The following NALF1 variants were observed in gnomAD, a reference collection of about 807,000 sequenced individuals.
NALF1 encodes NALCN channel auxiliary factor 1, also known as family with sequence similarity 155 member A.
A neutral mutation model predicts 48.4 loss-of-function variants in NALF1; 3 were observed. The ratio of observed to expected loss-of-function variants is 0.06; its 90% CI spans 0.03 to 0.16. NALF1 has a LOEUF of 0.16. NALF1 is among the 10% of genes least tolerant of loss of function. The pLI is 1.00. For missense variants in NALF1, 526 were observed against 571.5 expected (o/e 0.92, Z 0.81); for synonymous variants, 262 against 245.7 (o/e 1.07, Z -0.62).
At chr13:107,211,011 T>C (rs553243963) in intron 1 of NALF1, among the ~76,000 whole-genome samples, 2 of 152,364 alleles carry the variant, frequency 1.3e-5, no homozygotes, top group East Asian at 3.9e-4. Context: ...TAATTTTATG[T>C]GGCTTATTTG....
At chr13:107,641,538 T>A (rs532296990) in intron 1 of NALF1, among the ~76,000 whole-genome samples, 1 of 152,234 alleles carries the variant, frequency 6.6e-6, no homozygotes, top group South Asian at 2.1e-4. Context: ...TTTAAAAAAA[T>A]AAACATGAGT....
intron 1 of NALF1, among the ~76,000 whole-genome samples, chr13:107,514,207 T>C (rs142205505): frequency 4.4e-4 from 67 of 152,362 alleles, no homozygotes; most frequent in African/African-American, 1.4e-3. Context: ...ATGTACGTGT[T>C]AATAACCTTT....
chr13:107,292,867 CAGT>C lies in NALF1; in HGVS notation c.916-82115_916-82113del, dbSNP rs569695148. 9.8e-5 allele frequency among the ~76,000 whole-genome samples: 15 copies of C among 152,304 alleles called. No individual in the cohort carries two copies. The East Asian group carries it at 2.9e-3, about 29-fold the overall frequency. Reference sequence around the variant, plus strand: ...CTAGACTTTTATATGACAGACAGTGCAGTAGGTTTGTTTACCCCAGCATCACCA... The same window carrying C: ...CTAGACTTTTATATGACAGACAGTGCAGGTTTGTTTACCCCAGCATCACCA... On this transcript the variant is annotated intron_variant, in intron 1 of 2. Coordinates refer to ENST00000375915, the MANE Select transcript of NALF1 (RefSeq NM_001080396.3).
chr13:107,610,953 T>C (rs970502377), intron 1 of NALF1, among the ~76,000 whole-genome samples: 20 of 152,094 alleles, frequency 1.3e-4, no homozygotes, highest in Non-Finnish European at 4.4e-5. Flanking sequence ...ACCGTATGTT[T>C]TGAAAATGAT....
At chr13:107,330,180 G>A (rs1882442334) in intron 1 of NALF1, among the ~76,000 whole-genome samples, 2 of 152,274 alleles carry the variant, frequency 1.3e-5, no homozygotes, top group Admixed American at 1.3e-4. Context: ...AGTCTGACTG[G>A]AACACTTGTG....
At chr13:107,393,502 T>A (rs550254614) in intron 1 of NALF1, among the ~76,000 whole-genome samples, 2 of 152,290 alleles carry the variant, frequency 1.3e-5, no homozygotes, top group Non-Finnish European at 2.9e-5. Context: ...TGAAGCAAAA[T>A]GTCTAGCCTC....
At chr13:107,174,845 C>T (rs895515651) in intron 2 of NALF1, among the ~76,000 whole-genome samples, 4 of 151,808 alleles carry the variant, frequency 2.6e-5, no homozygotes, top group Non-Finnish European at 5.9e-5. Flanking sequence ...CCGCCCTGAA[C>T]TCCTCCTACT....
At chr13:107,478,265 G>T (rs113564844) in intron 1 of NALF1, among the ~76,000 whole-genome samples, 2,646 of 152,138 alleles carry the variant, frequency 0.017, 36 homozygotes, top group Non-Finnish European at 0.03. Context: ...CAGAGTATTT[G>T]CAAAACTCAA....
intron 1 of NALF1, among the ~76,000 whole-genome samples, chr13:107,815,542 A>C (rs1879137844): frequency 6.6e-6 from 1 of 152,182 alleles, no homozygotes; most frequent in Non-Finnish European, 1.5e-5. Context: ...AGAGATGGGG[A>C]CCCTTGCACA....
At chr13:107,475,781 T>C (rs535320816) in intron 1 of NALF1, among the ~76,000 whole-genome samples, 1 of 152,300 alleles carries the variant, frequency 6.6e-6, no homozygotes, top group South Asian at 2.1e-4. Flanking sequence ...TCAATAAAGA[T>C]TATTTCCTCA....
At chr13:107,619,091 T>C (rs1274440929) in intron 1 of NALF1, among the ~76,000 whole-genome samples, 2 of 152,190 alleles carry the variant, frequency 1.3e-5, no homozygotes, top group Admixed American at 6.5e-5. Context: ...TTGCACTGAT[T>C]ACTGTGATGG....
intron 1 of NALF1, among the ~76,000 whole-genome samples, chr13:107,850,919 A>G (rs1184542428): frequency 3.9e-5 from 6 of 152,084 alleles, no homozygotes; most frequent in Non-Finnish European, 8.8e-5. Flanking sequence ...AAAAAGGAAA[A>G]GAAAAAGAAA....
chr13:107,406,055 G>C (rs1883892652), intron 1 of NALF1, among the ~76,000 whole-genome samples: 1 of 151,904 alleles, frequency 6.6e-6, no homozygotes, highest in African/African-American at 2.4e-5. Flanking sequence ...CCACTACCTA[G>C]AACCACTTCT....
In NALF1 at chr13:107,866,192, CG is replaced by C; in HGVS notation, c.404del (p.Pro135ArgfsTer24). 6.2e-7 allele frequency: 1 copy of C among 1,602,808 alleles called. No homozygotes were observed. ...TGCCGCCGCCGCCGCCGCCGTCTCC[CG>C]GGGAGGGGGGCAGGGTGGGGGACGA... Reference protein sequence around the residue: ...ASSSPTLPPSPGDGGGGGGKG... With the variant: ...ASSSPTLPPSXGDGGGGGGKG... On this transcript the variant is annotated frameshift_variant, in exon 1 of 3. Transcript: ENST00000375915. LOFTEE classifies it high-confidence loss of function. The surrounding 1 kb of genome is among the most constrained non-coding windows in gnomAD (Gnocchi z 4.4).
At chr13:107,375,941 C>CACAT (rs895705548) in intron 1 of NALF1, among the ~76,000 whole-genome samples, 4 of 151,918 alleles carry the variant, frequency 2.6e-5, no homozygotes, top group African/African-American at 9.7e-5. Context: ...CACACACACA[C>CACAT]ACATACACAC....
At chr13:107,772,057 T>C (rs1472384484) in intron 1 of NALF1, among the ~76,000 whole-genome samples, 1 of 152,100 alleles carries the variant, frequency 6.6e-6, no homozygotes, top group Non-Finnish European at 1.5e-5. Flanking sequence ...AAAATAATAA[T>C]ACTGATTCTT....
chr13:107,498,628 A>G (rs1875415332), intron 1 of NALF1, among the ~76,000 whole-genome samples: 1 of 152,200 alleles, frequency 6.6e-6, no homozygotes, highest in African/African-American at 2.4e-5. Flanking sequence ...AAGTAATTTT[A>G]GAACTGAGGA....
At chr13:107,828,581 ATCTATC>A (rs1433705803) in intron 1 of NALF1, among the ~76,000 whole-genome samples, 15 of 107,844 alleles carry the variant, frequency 1.4e-4, no homozygotes, top group African/African-American at 3.9e-4. Flanking sequence ...CTATCTATCT[ATCTATC>A]TATCTATATC....
intron 1 of NALF1, among the ~76,000 whole-genome samples, chr13:107,425,233 G>A (rs530923434): frequency 6.6e-6 from 1 of 152,266 alleles, no homozygotes; most frequent in Non-Finnish European, 1.5e-5. Flanking sequence ...ACTCAGTTGT[G>A]GGTGAAAATT....
Sources: gnomAD v4.1 joint callset for allele counts (sites outside exome capture counted in the v4.1 genomes callset) on GRCh38, gnomAD v4.1.1 for gene constraint, Gnocchi (gnomAD v3.1) non-coding constraint, MANE v1.5 for transcripts, NCBI Gene and HGNC (gene_info 2026-07-23, HGNC 2026-07-21) for gene names.